Variants in ESRRG observed in about 807,000 individuals in gnomAD.
ESRRG encodes the protein estrogen-related receptor gamma.
ESRRG carries 13 observed loss-of-function variants against 44.0 expected under a neutral mutation model. The ratio of observed to expected loss-of-function variants is 0.30; its 90% CI spans 0.19 to 0.47. ESRRG has a LOEUF of 0.47. Among genes scored for constraint, ESRRG ranks in the 20% least tolerant of loss-of-function variants. ESRRG has a pLI of 1.00. For missense variants in ESRRG, 395 were observed against 580.6 expected, an observed-to-expected ratio of 0.68 and a Z score of 3.29; for synonymous variants, 215 against 214.6, an observed-to-expected ratio of 1.00 and a Z score of -0.02.
chr1:216,894,846 G>A (rs1338081805), intron 2 of ESRRG, among the ~76,000 whole-genome samples: 1 of 152,114 alleles, frequency 6.6e-6, no homozygotes, highest in Non-Finnish European at 1.5e-5. Context: ...GCTTAATGAA[G>A]TAGTATACAG....
intron 3 of ESRRG, among the ~76,000 whole-genome samples, chr1:216,601,155 G>A (rs909274729): frequency 2.0e-5 from 3 of 152,052 alleles, no homozygotes; most frequent in African/African-American, 7.2e-5. Context: ...CCCGCAGGCT[G>A]CCCCGGGCTC....
At chr1:216,941,099 G>C (rs147591935) in intron 1 of ESRRG, among the ~76,000 whole-genome samples, 12 of 152,246 alleles carry the variant, frequency 7.9e-5, no homozygotes, top group Non-Finnish European at 1.6e-4. Flanking sequence ...GAGGTAAGAT[G>C]ACTCAAATGT....
intron 1 of ESRRG, among the ~76,000 whole-genome samples, chr1:216,693,652 T>C (rs2079533735): frequency 6.6e-6 from 1 of 152,240 alleles, no homozygotes; most frequent in Admixed American, 6.5e-5. Flanking sequence ...GTTGTTATAC[T>C]GTATTGTTTA....
intron 2 of ESRRG, among the ~76,000 whole-genome samples, chr1:216,784,974 C>T (rs774988456): frequency 1.3e-5 from 2 of 152,004 alleles, no homozygotes; most frequent in Non-Finnish European, 2.9e-5. Context: ...GGAGATAACA[C>T]TTGCAAAATG....
At chr1:216,731,018 C>T (rs896496916) in intron 2 of ESRRG, among the ~76,000 whole-genome samples, 25 of 152,104 alleles carry the variant, frequency 1.6e-4, no homozygotes, top group African/African-American at 5.8e-4. Flanking sequence ...AAAACAAAAG[C>T]AAACAAAGCT....
chr1:216,894,537 T>C (rs115100135), intron 2 of ESRRG, among the ~76,000 whole-genome samples: 1 of 151,998 alleles, frequency 6.6e-6, no homozygotes, highest in African/African-American at 2.4e-5. Flanking sequence ...AATCTCTTTA[T>C]TAAGTTCGTT....
In ESRRG at chr1:216,701,135, T is replaced by TG. The variant is rs35570426; in HGVS notation, c.56+22108dup. The stretch of plus-strand genomic sequence containing the variant: ...TTATTAAGAGCAAGTTTGCGGAGTT[T>TG]GGGGGGGGTATGAAATATTTATTGA... On this transcript the variant is annotated intron_variant, in intron 1 of 6. Transcript: ENST00000408911. Among the ~76,000 whole-genome samples, 15 of 151,816 alleles carry TG rather than the reference T, an allele frequency of 9.9e-5. No homozygotes were observed. In the East Asian group the frequency reaches 1.4e-3, roughly 14 times the overall value.
At chr1:216,634,402 A>AT (rs5780900) in intron 3 of ESRRG, among the ~76,000 whole-genome samples, 3,333 of 149,262 alleles carry the variant, frequency 0.022, 110 homozygotes, top group African/African-American at 0.076. Flanking sequence ...GTGGGCTTTT[A>AT]TTTTTTTTTT....
At chr1:216,738,694 G>C (rs529881511) in intron 2 of ESRRG, among the ~76,000 whole-genome samples, 1 of 152,092 alleles carries the variant, frequency 6.6e-6, no homozygotes, top group Non-Finnish European at 1.5e-5. Context: ...ATAAATGCCA[G>C]AGCTGAGAAA....
intron 3 of ESRRG, among the ~76,000 whole-genome samples, chr1:216,640,081 T>G (rs2066078041): frequency 6.6e-6 from 1 of 152,196 alleles, no homozygotes; most frequent in African/African-American, 2.4e-5. Flanking sequence ...CCATCACACC[T>G]GAGGGTCAGT....
At chr1:216,895,971 A>G (rs137967990) in intron 2 of ESRRG, among the ~76,000 whole-genome samples, 395 of 152,322 alleles carry the variant, frequency 2.6e-3, no homozygotes, top group African/African-American at 8.9e-3. Context: ...TCCAAAGTAA[A>G]ATATCAGGTT....
At chr1:216,771,814 G>GT (rs1491221808) in intron 2 of ESRRG, among the ~76,000 whole-genome samples, 12 of 99,066 alleles carry the variant, frequency 1.2e-4, no homozygotes, top group South Asian at 4.3e-4. Flanking sequence ...TAAGTTTGTG[G>GT]TGTTTTTTTT....
At chr1:216,820,888 G>A (rs1030343442) in intron 2 of ESRRG, among the ~76,000 whole-genome samples, 1 of 152,166 alleles carries the variant, frequency 6.6e-6, no homozygotes, top group African/African-American at 2.4e-5. Flanking sequence ...TCCTATGAAA[G>A]CATTCCTTCT....
chr1:216,514,377 G>C (rs1336603578), intron 6 of ESRRG, among the ~76,000 whole-genome samples: 12 of 151,874 alleles, frequency 7.9e-5, no homozygotes. Flanking sequence ...GTTTGTTCTG[G>C]GTAAAAATTA....
chr1:216,877,685 C>T lies in ESRRG; in HGVS notation c.-14+61897G>A, dbSNP rs540683490. On this transcript the variant is annotated intron_variant, in intron 2 of 7. Coordinates refer to the ESRRG transcript ENST00000359162. ...TCCCAAAGTGCTGGGATTACGGGTGCCTATACATACATACAGGCAGATCAC... is the reference window on the plus strand; with the variant it reads ...TCCCAAAGTGCTGGGATTACGGGTGTCTATACATACATACAGGCAGATCAC... Among the ~76,000 whole-genome samples, 531 of 152,060 alleles carry T rather than the reference C, an allele frequency of 3.5e-3. 3 individuals carry two copies. The highest frequency in any genetic ancestry group is 6.1e-3 in the Non-Finnish European group (414 of 67,952).
chr1:216,518,470 T>G (rs1166480554), intron 6 of ESRRG, among the ~76,000 whole-genome samples: 3 of 152,044 alleles, frequency 2.0e-5, no homozygotes, highest in Non-Finnish European at 2.9e-5. Flanking sequence ...GGCACGTCAT[T>G]AAGGAGGGAT....
intron 1 of ESRRG, among the ~76,000 whole-genome samples, chr1:217,004,830 G>A (rs1161033224): frequency 6.6e-6 from 1 of 152,124 alleles, no homozygotes; most frequent in Admixed American, 6.6e-5. Context: ...GAATCTAGCT[G>A]CCATGATAAA....
chr1:216,679,992 C>T (rs1429960341), intron 1 of ESRRG, among the ~76,000 whole-genome samples: 1 of 152,112 alleles, frequency 6.6e-6, no homozygotes, highest in African/African-American at 2.4e-5. Context: ...CAAGGAAATT[C>T]GGGACGTACA....
intron 2 of ESRRG, among the ~76,000 whole-genome samples, chr1:216,853,687 T>C (rs1202186490): frequency 6.6e-6 from 1 of 152,198 alleles, no homozygotes; most frequent in Non-Finnish European, 1.5e-5. Flanking sequence ...TCCTCCAAGA[T>C]GCCATTCCTT....
Sources: gnomAD v4.1 joint callset for allele counts (sites outside exome capture counted in the v4.1 genomes callset) on GRCh38, gnomAD v4.1.1 for gene constraint, MANE v1.5 for transcripts, NCBI Gene and HGNC (gene_info 2026-07-23, HGNC 2026-07-21) for gene names.